The following C1orf162 variants were observed in gnomAD, a reference collection of about 807,000 sequenced individuals.
C1orf162 encodes the protein chromosome 1 open reading frame 162.
Under a neutral mutation model 11.4 loss-of-function variants are expected in C1orf162, and 10 were observed. That is an observed-to-expected ratio of 0.88 (90% CI 0.54 to 1.48). C1orf162 has a LOEUF of 1.48. Ranked by LOEUF, C1orf162 falls within the 40% of genes most tolerant of loss-of-function variation. The pLI, the probability that C1orf162 is intolerant of heterozygous loss-of-function variation, is 0.00. For synonymous variants in C1orf162, 53 were observed against 55.0 expected, an observed-to-expected ratio of 0.96 and a Z score of 0.16; for missense variants, 140 against 149.5, an observed-to-expected ratio of 0.94 and a Z score of 0.33.
chr1:111,477,453 C>G (rs748540997), intron 4 of C1orf162, 25 bp downstream of exon 4: 9 of 1,567,854 alleles, frequency 5.7e-6, no homozygotes, highest in East Asian at 2.2e-5. Flanking sequence ...AGGGATAGGA[C>G]AGCCCTTCTC....
In C1orf162 at chr1:111,476,073, T is replaced by C; in HGVS notation, c.37+8T>C. 2 of 1,611,990 alleles carry C rather than the reference T, an allele frequency of 1.2e-6. No homozygotes were observed. The highest frequency in any genetic ancestry group is 1.7e-6 in the Non-Finnish European group (2 of 1,178,096). The stretch of plus-strand genomic sequence containing the variant: ...CATGTAAACCCGACACTGGTGAGTT[T>C]ACGACAGGAATAATTACCTGCCTCA... On this transcript the variant is annotated splice_region_variant and intron_variant, in intron 2 of 5. Transcript: ENST00000369718.
Position 111,476,059 on chromosome 1 carries a change from G to A in C1orf162, c.31G>A (p.Asp11Asn), listed in dbSNP as rs868249859. The A allele has an allele frequency of 9.9e-6, 16 of 1,612,930 alleles. No individual in the cohort carries two copies. The highest frequency in any genetic ancestry group is 1.3e-5 in the African/African-American group (1 of 75,008). Residue 11 changes from aspartate to asparagine, a missense_variant, in exon 2 of 6, where the codon GAC (aspartate) becomes AAC (asparagine). Coordinates refer to ENST00000369718, the MANE Select transcript of C1orf162 (RefSeq NM_001300834.2). MGGNGSTCKP[D>N]TERQGTLSTA... ...AGGCAATGGCTCCACATGTAAACCC[G>A]ACACTGGTGAGTTTACGACAGGAAT... is the stretch of plus-strand genomic sequence containing the variant.
chr1:111,476,114 AACT>A (rs759207416), intron 2 of C1orf162, 49 bp downstream of exon 2: 215 of 1,568,770 alleles, frequency 1.4e-4, no homozygotes, highest in Non-Finnish European at 1.8e-4. Flanking sequence ...GAGTTAAAAT[AACT>A]AGAAATTGTG....
At chr1:111,476,590 A>G (rs1653997557) in intron 2 of C1orf162, among the ~76,000 whole-genome samples, 1 of 151,946 alleles carries the variant, frequency 6.6e-6, no homozygotes, top group Non-Finnish European at 1.5e-5. Flanking sequence ...CTTGTATTTC[A>G]TGTATGTAGT....
In C1orf162 at chr1:111,478,344, C is replaced by T. The variant is rs556790910; in HGVS notation, c.*221C>T. 15 of 609,094 alleles carry T rather than the reference C, an allele frequency of 2.5e-5. No individual in the cohort carries two copies. In the East Asian group the frequency reaches 4.3e-4, roughly 18 times the overall value. The allele number at this position is 609,094 out of a possible 1,614,324, so 37.7% of individuals were successfully genotyped here. On this transcript the variant is annotated 3_prime_UTR_variant, in exon 6 of 6. Coordinates refer to ENST00000369718, the MANE Select transcript of C1orf162 (RefSeq NM_001300834.2). The stretch of plus-strand genomic sequence containing the variant: ...TTGATGGCCCTCCCACTTGAACTGA[C>T]AGCCTGTGAGCCCCTTGGGGGCATA...
At chr1:111,475,886 T>A (rs1280710011) in intron 1 of C1orf162, 132 bp from the exon 2 acceptor site, 1 of 651,230 alleles carries the variant, frequency 1.5e-6, no homozygotes, top group Non-Finnish European at 2.9e-6. Context: ...CTGTGACCAC[T>A]GATGGCACTA....
intron 1 of C1orf162, among the ~76,000 whole-genome samples, 152 bp downstream of exon 1, chr1:111,474,182 G>A (rs562650906): frequency 6.6e-6 from 1 of 152,342 alleles, no homozygotes; most frequent in Non-Finnish European, 1.5e-5. Context: ...TGGATTTTAC[G>A]CTATCAGTAA....
At chr1:111,474,216 G>A (rs1653922627) in intron 1 of C1orf162, among the ~76,000 whole-genome samples, 186 bp downstream of exon 1, 1 of 152,222 alleles carries the variant, frequency 6.6e-6, no homozygotes, top group Admixed American at 6.5e-5. Context: ...TGGATGAAAC[G>A]TGAAAAAGTA....
In C1orf162 at chr1:111,478,320, T is replaced by A; in HGVS notation, c.*197T>A. On this transcript the variant is annotated 3_prime_UTR_variant, in exon 6 of 6. Coordinates refer to ENST00000369718, the MANE Select transcript of C1orf162 (RefSeq NM_001300834.2). ...GTCTTTTCCTGGCCAGAGGAAAGAT[T>A]GATGGCCCTCCCACTTGAACTGACA... The A allele has an allele frequency of 1.5e-6, 1 of 663,320 alleles. No homozygotes were observed. Among genetic ancestry groups the A allele is most frequent in the Non-Finnish European group, 2.5e-6 (1 of 394,980 alleles). 41.1% of individuals were successfully genotyped at this position (663,320 alleles called of 1,614,324 possible). A position where few individuals can be genotyped will look rare whatever the true frequency, so the allele number is the denominator to read the frequency against.
In C1orf162 at chr1:111,478,434, A is replaced by G. The variant is rs1260847116; in HGVS notation, c.*311A>G. 6 of 304,284 alleles carry G rather than the reference A, an allele frequency of 2.0e-5. No homozygotes were observed. In the East Asian group the frequency reaches 3.5e-4, roughly 18 times the overall value. 18.8% of individuals were successfully genotyped at this position (304,284 alleles called of 1,614,324 possible). ...AGCTCAGTGCACAGAGTATTCACCC[A>G]GCATCATGAATCAACTTGGGAGGAG... On this transcript the variant is annotated 3_prime_UTR_variant, in exon 6 of 6. Transcript: ENST00000369718.
At chr1:111,476,738 A>G in intron 2 of C1orf162, 60 bp from the exon 3 acceptor site, 1 of 1,568,254 alleles carries the variant, frequency 6.4e-7, no homozygotes, top group Non-Finnish European at 8.8e-7. Flanking sequence ...GGGAAACTTA[A>G]GCTGGAAGGG....
intron 4 of C1orf162, 51 bp downstream of exon 4, chr1:111,477,479 C>A (rs1401028848): frequency 8.4e-6 from 13 of 1,546,578 alleles, no homozygotes; most frequent in Non-Finnish European, 9.8e-6. Flanking sequence ...GCCATTGATA[C>A]TAGAATTAGC....
In C1orf162 at chr1:111,478,141, G is replaced by A; in HGVS notation, c.*18G>A. ...CAAACTAACTCAGCTTTTCCAATGA[G>A]GCTTGAATCCATTTCCTCTCATCTC... On this transcript the variant is annotated 3_prime_UTR_variant, in exon 6 of 6. Coordinates refer to ENST00000369718, the MANE Select transcript of C1orf162 (RefSeq NM_001300834.2). 6.2e-7 allele frequency: 1 copy of A among 1,613,804 alleles called. No individual in the cohort carries two copies. Among genetic ancestry groups the A allele is most frequent in the Non-Finnish European group, 8.5e-7 (1 of 1,179,750 alleles).
chr1:111,478,340 C>A lies in C1orf162; in HGVS notation c.*217C>A, dbSNP rs1486729295. 4 of 615,370 alleles carry A rather than the reference C, an allele frequency of 6.5e-6. No individual in the cohort carries two copies. The highest frequency in any genetic ancestry group is 1.1e-5 in the Non-Finnish European group (4 of 355,808). The allele number at this position is 615,370 out of a possible 1,614,324, so 38.1% of individuals were successfully genotyped here. A position where few individuals can be genotyped will look rare whatever the true frequency, so the allele number is the denominator to read the frequency against. The stretch of plus-strand genomic sequence containing the variant: ...AAGATTGATGGCCCTCCCACTTGAA[C>A]TGACAGCCTGTGAGCCCCTTGGGGG... On this transcript the variant is annotated 3_prime_UTR_variant, in exon 6 of 6. Transcript: ENST00000369718.
chr1:111,478,211 AC>A lies in C1orf162; in HGVS notation c.*90del. 1 of 1,520,770 alleles carries A rather than the reference AC, an allele frequency of 6.6e-7. No homozygotes were observed. Among genetic ancestry groups the A allele is most frequent in the Non-Finnish European group, 9.1e-7 (1 of 1,104,278 alleles). 94.2% of individuals were successfully genotyped at this position (1,520,770 alleles called of 1,614,324 possible). A position where few individuals can be genotyped will look rare whatever the true frequency, so the allele number is the denominator to read the frequency against. On this transcript the variant is annotated 3_prime_UTR_variant, in exon 6 of 6. Coordinates refer to ENST00000369718, the MANE Select transcript of C1orf162 (RefSeq NM_001300834.2). Reference sequence around the variant, plus strand: ...ACTTTCACTTTTTTACAAATTTTGGACCACCACCTGTGTGAAACTGCAGTCG... The same window carrying A: ...ACTTTCACTTTTTTACAAATTTTGGACACCACCTGTGTGAAACTGCAGTCG...
chr1:111,477,525 C>T (rs1190987612), intron 4 of C1orf162, 97 bp downstream of exon 4: 1 of 1,472,946 alleles, frequency 6.8e-7, no homozygotes, highest in African/African-American at 1.4e-5. Flanking sequence ...GGGGAGGGTG[C>T]AGTGTGATAA....
At chr1:111,477,839 C>G in intron 5 of C1orf162, 64 bp downstream of exon 5, 1 of 1,600,956 alleles carries the variant, frequency 6.2e-7, no homozygotes, top group East Asian at 2.2e-5. Flanking sequence ...CCCCTCCATA[C>G]TCTTCATTAT....
In C1orf162 at chr1:111,476,819, C is replaced by T; in HGVS notation, c.59C>T (p.Thr20Ile). The T allele has an allele frequency of 6.2e-7, 1 of 1,614,066 alleles. No individual in the cohort carries two copies. The highest frequency in any genetic ancestry group is 8.5e-7 in the Non-Finnish European group (1 of 1,179,942). Reference protein sequence around the residue: ...PDTERQGTLSTAAPTTSPAPC... With the variant: ...PDTERQGTLSIAAPTTSPAPC... ...GTAGAAAGACAAGGCACTCTCTCCACAGCAGCCCCAACAACTAGCCCTGCA... is the reference window on the plus strand; with the variant it reads ...GTAGAAAGACAAGGCACTCTCTCCATAGCAGCCCCAACAACTAGCCCTGCA... Residue 20 changes from threonine to isoleucine, a missense_variant, in exon 3 of 6, where the codon ACA becomes ATA. Thr to Ile is a moderately conservative substitution (Grantham distance 89). Coordinates refer to ENST00000369718, the MANE Select transcript of C1orf162 (RefSeq NM_001300834.2).
At chr1:111,476,116 C>T (rs1424773994) in intron 2 of C1orf162, 51 bp downstream of exon 2, 1 of 1,558,562 alleles carries the variant, frequency 6.4e-7, no homozygotes, top group Non-Finnish European at 8.8e-7. Context: ...GTTAAAATAA[C>T]TAGAAATTGT....
Sources: allele counts gnomAD v4.1 joint callset (sites outside exome capture counted in the v4.1 genomes callset), GRCh38; gene constraint gnomAD v4.1.1; transcripts MANE v1.5; gene names NCBI Gene and HGNC (gene_info 2026-07-23, HGNC 2026-07-21).